Variants in PREX1 observed in about 807,000 individuals in gnomAD.
PREX1 encodes the protein phosphatidylinositol 3,4,5-trisphosphate-dependent Rac exchanger 1 protein.
Under a neutral mutation model 198.3 loss-of-function variants are expected in PREX1, and 41 were observed. The observed-to-expected ratio is 0.21, with a 90% CI of 0.16 to 0.27. The LOEUF (loss-of-function observed/expected upper bound fraction) is 0.27. Among genes scored for constraint, PREX1 ranks in the 10% least tolerant of loss-of-function variants. The probability of loss-of-function intolerance (pLI) is 1.00; values close to 1 mark genes in which losing one functional copy is unlikely to be tolerated. For synonymous variants in PREX1, 843 were observed against 887.2 expected (o/e 0.95, Z 0.89); for missense variants, 1,620 against 2,200.7 (o/e 0.74, Z 5.28).
At chr20:48,795,232 T>C (rs1433650681) in intron 1 of PREX1, among the ~76,000 whole-genome samples, 1 of 152,170 alleles carries the variant, frequency 6.6e-6, no homozygotes, top group African/African-American at 2.4e-5. Context: ...TTCTGCCACG[T>C]ATTTGCTGTG....
At chr20:48,805,924 C>A (rs1227931027) in intron 1 of PREX1, among the ~76,000 whole-genome samples, 4 of 152,214 alleles carry the variant, frequency 2.6e-5, no homozygotes, top group African/African-American at 7.2e-5. Flanking sequence ...ATCATCACTG[C>A]CGCCAAAGCA....
intron 10 of PREX1, among the ~76,000 whole-genome samples, chr20:48,683,958 G>A (rs114526366): frequency 7.9e-5 from 12 of 152,184 alleles, no homozygotes; most frequent in African/African-American, 2.4e-4. Context: ...GGGGAGGGGC[G>A]CTGGCATGCA....
intron 5 of PREX1, 27 bp downstream of exon 5, chr20:48,726,263 G>A (rs2090009511): frequency 6.3e-7 from 1 of 1,578,468 alleles, no homozygotes; most frequent in Non-Finnish European, 8.7e-7. Flanking sequence ...AGAGTTTTCT[G>A]TCACTTCAAA....
chr20:48,827,497 G>A lies in PREX1; in HGVS notation c.219+145C>T, dbSNP rs2090514863. On this transcript the variant is annotated intron_variant, in intron 1 of 39. Transcript: ENST00000371941. This position sits in a 1 kb window ranked among gnomAD's most constrained non-coding sequence, Gnocchi z 4.1. ...CGACGCGACAGCTCTGGAGGAGCTC[G>A]GATCCCCCCCGCTTTCCGCGCGCCC... The A allele has an allele frequency of 7.4e-6, 4 of 538,614 alleles. No individual in the cohort carries two copies. The highest frequency in any genetic ancestry group is 1.1e-5 in the Non-Finnish European group (4 of 360,806). 33.4% of individuals were successfully genotyped at this position (538,614 alleles called of 1,614,324 possible). A position where few individuals can be genotyped will look rare whatever the true frequency, so the allele number is the denominator to read the frequency against.
chr20:48,738,328 C>T lies in PREX1; in HGVS notation c.415-3678G>A, dbSNP rs561441497. ...GGTTTGTCATTCCTCATCCCCTGAG[C>T]CCCCTTCTACGACAAGGTCTGCAAT... is the stretch of plus-strand genomic sequence containing the variant. On this transcript the variant is annotated intron_variant, in intron 3 of 39. Coordinates refer to ENST00000371941, the MANE Select transcript of PREX1 (RefSeq NM_020820.4). Among the ~76,000 whole-genome samples the T allele has an allele frequency of 9.8e-5, 15 of 152,322 alleles. 1 individual carries two copies. Among genetic ancestry groups the T allele is most frequent in the Admixed American group, 7.2e-4 (11 of 15,302 alleles).
At chr20:48,715,622 C>T (rs2089958576) in intron 5 of PREX1, among the ~76,000 whole-genome samples, 1 of 152,116 alleles carries the variant, frequency 6.6e-6, no homozygotes, top group South Asian at 2.1e-4. Context: ...ATGTAAGGAT[C>T]CAATGGGGTG....
chr20:48,699,414 C>G (rs1361595645), intron 7 of PREX1, among the ~76,000 whole-genome samples: 3 of 152,112 alleles, frequency 2.0e-5, no homozygotes, highest in Admixed American at 2.0e-4. Flanking sequence ...AACATGAAAA[C>G]TTAAGGTCAG....
intron 37 of PREX1, among the ~76,000 whole-genome samples, chr20:48,628,318 G>A (rs1169911322): frequency 5.9e-5 from 9 of 152,226 alleles, no homozygotes; most frequent in African/African-American, 1.2e-4. Flanking sequence ...TGTCGGCTCC[G>A]TGGGGTTTGA....
the PREX1 span, among the ~76,000 whole-genome samples, chr20:48,880,254 T>C: frequency 6.6e-5 from 10 of 152,172 alleles, no homozygotes; most frequent in Admixed American, 6.6e-4. Flanking sequence ...TTGAAATCAA[T>C]ACATGAGGTG....
chr20:48,674,218 A>G (rs1019066970), intron 14 of PREX1, among the ~76,000 whole-genome samples: 4 of 152,204 alleles, frequency 2.6e-5, no homozygotes, highest in Admixed American at 2.0e-4. Flanking sequence ...AAATGCACCC[A>G]TATTTCACAT....
At chr20:48,887,315 G>A in the PREX1 span, among the ~76,000 whole-genome samples, 2 of 152,228 alleles carry the variant, frequency 1.3e-5, no homozygotes, top group East Asian at 1.9e-4. Context: ...GGTCACACCT[G>A]TAATCCCAGC....
At chr20:48,653,267 C>CA in intron 20 of PREX1, 94 bp downstream of exon 20, 1 of 1,525,956 alleles carries the variant, frequency 6.6e-7, no homozygotes, top group East Asian at 2.3e-5. Flanking sequence ...ACCAGTGGTA[C>CA]ATGCAGGCTT....
chr20:48,688,856 G>T (rs369802527), intron 9 of PREX1, 52 bp from the exon 10 acceptor site: 5 of 1,608,824 alleles, frequency 3.1e-6, no homozygotes, highest in East Asian at 4.5e-5. Context: ...CAGGGCAGGG[G>T]GGGTAGGGGG....
chr20:48,676,102 G>T, intron 14 of PREX1, 91 bp downstream of exon 14: 1 of 1,281,234 alleles, frequency 7.8e-7, no homozygotes, highest in South Asian at 1.2e-5. Context: ...ACAATTAAAA[G>T]CAATAAGAAA....
At chr20:48,790,357 C>A (rs1022511169) in intron 1 of PREX1, among the ~76,000 whole-genome samples, 1 of 151,962 alleles carries the variant, frequency 6.6e-6, no homozygotes, top group Non-Finnish European at 1.5e-5. Context: ...TCAAGTTCCA[C>A]GAGCCTCCCC....
the PREX1 span, among the ~76,000 whole-genome samples, chr20:48,887,831 T>C: frequency 6.6e-6 from 1 of 151,376 alleles, no homozygotes; most frequent in African/African-American, 2.4e-5. Context: ...GCTCCTGTAG[T>C]TCCAGTTCCT....
intron 1 of PREX1, among the ~76,000 whole-genome samples, chr20:48,802,426 G>C (rs13039688): frequency 0.17 from 25,596 of 151,950 alleles, 2,758 homozygotes; most frequent in Non-Finnish European, 0.23. Context: ...TCCCTGCCTC[G>C]GGGCCTTTGC....
At chr20:48,763,040 A>T (rs749960171) in intron 1 of PREX1, among the ~76,000 whole-genome samples, 2 of 152,232 alleles carry the variant, frequency 1.3e-5, no homozygotes, top group Non-Finnish European at 2.9e-5. Flanking sequence ...AAATGGTCCT[A>T]AAATTAGATG....
the PREX1 span, among the ~76,000 whole-genome samples, chr20:48,866,802 G>A: frequency 1.8e-4 from 28 of 152,222 alleles, 1 homozygote; most frequent in Admixed American, 1.8e-3. Flanking sequence ...GGTGGCACTT[G>A]CCTATGGTCC....
Sources: gnomAD v4.1 joint callset for allele counts (sites outside exome capture counted in the v4.1 genomes callset) on GRCh38, gnomAD v4.1.1 for gene constraint, Gnocchi (gnomAD v3.1) non-coding constraint, MANE v1.5 for transcripts, NCBI Gene and HGNC (gene_info 2026-07-23, HGNC 2026-07-21) for gene names.